WDR59: variants seen among roughly 807,000 people sequenced by gnomAD.
The protein encoded by WDR59 is GATOR2 complex protein WDR59.
WDR59 carries 100 observed loss-of-function variants against 131.2 expected under a neutral mutation model. That is an observed-to-expected ratio of 0.76 (90% CI 0.65 to 0.90). The LOEUF (loss-of-function observed/expected upper bound fraction) is 0.90. Ranked by LOEUF, WDR59 falls within the 40% of genes least tolerant of loss-of-function variation. The pLI is 0.00. For missense variants in WDR59, 1,203 were observed against 1,262.2 expected, an observed-to-expected ratio of 0.95 and a Z score of 0.71; for synonymous variants, 601 against 466.2, an observed-to-expected ratio of 1.29 and a Z score of -3.72.
chr16:74,905,363 G>A lies in WDR59; in HGVS notation c.1713-1263C>T, dbSNP rs970161607. ...GCACTCCAGCCTGGGCAACAAGAGC[G>A]AAACTCCGTCTCAAAAAATAAAAAA... On this transcript the variant is annotated intron_variant, in intron 17 of 25. Coordinates refer to ENST00000262144, the MANE Select transcript of WDR59 (RefSeq NM_030581.4). 4.9e-5 allele frequency among the ~76,000 whole-genome samples: 7 copies of A among 143,960 alleles called. No homozygotes were observed. In the East Asian group the frequency reaches 8.6e-4, roughly 18 times the overall value. 94.4% of individuals were successfully genotyped at this position (143,960 alleles called of 152,430 possible).
At chr16:74,904,337 T>C (rs1965699104) in intron 17 of WDR59, 1 of 453,380 alleles carries the variant, frequency 2.2e-6, no homozygotes, top group Non-Finnish European at 3.9e-6. Context: ...CTAGAATAAG[T>C]GAATTTGAAT....
At chr16:74,900,631 T>G (rs1352624140) in intron 18 of WDR59, among the ~76,000 whole-genome samples, 2 of 152,240 alleles carry the variant, frequency 1.3e-5, no homozygotes, top group Admixed American at 6.5e-5. Flanking sequence ...AAATGAATGT[T>G]AGCAATTTGA....
rs184252604 is a variant in WDR59, at chr16:74,912,445, T to C, written c.1225-83A>G. The C allele has an allele frequency of 1.0e-5, 14 of 1,399,184 alleles. No homozygotes were observed. The Admixed American group carries it at 2.4e-4, about 24-fold the overall frequency. The allele number at this position is 1,399,184 out of a possible 1,614,324, so 86.7% of individuals were successfully genotyped here. On this transcript the variant is annotated intron_variant, in intron 13 of 25. Transcript: ENST00000262144. ...CAAGCACATTTAACTGAACGCTCCA[T>C]GTTCCTGGTAATTGAATGAAGGGAA...
intron 6 of WDR59, among the ~76,000 whole-genome samples, chr16:74,945,402 G>A (rs957929973): frequency 6.6e-6 from 1 of 151,158 alleles, no homozygotes; most frequent in African/African-American, 2.4e-5. Context: ...GCGAGAACCT[G>A]GGAGGCAGAG....
intron 13 of WDR59, among the ~76,000 whole-genome samples, chr16:74,915,009 A>G (rs1371829757): frequency 2.6e-5 from 4 of 152,250 alleles, no homozygotes; most frequent in African/African-American, 9.6e-5. Flanking sequence ...TTTCTGAAGC[A>G]AAGACTTTCA....
At chr16:74,945,816 T>TA (rs377227369) in intron 6 of WDR59, among the ~76,000 whole-genome samples, 2 of 113,608 alleles carry the variant, frequency 1.8e-5, no homozygotes, top group African/African-American at 9.6e-5. Context: ...TTCACATAAC[T>TA]TTTTTTTTTT....
At chr16:74,893,538 G>C (rs1009968560) in intron 19 of WDR59, 141 bp downstream of exon 19, 8 of 879,682 alleles carry the variant, frequency 9.1e-6, no homozygotes, top group Non-Finnish European at 9.9e-6. Context: ...GTGGGAATTT[G>C]TCCACAGCAA....
Position 74,873,986 on chromosome 16 carries a change from G to A in WDR59, c.*223C>T, listed in dbSNP as rs1380408349. ...TAGACAACACACAAAGCGCAGCTCTGCACTTCTGTCCTTATCTTCACACAG... is the reference window on the plus strand; with the variant it reads ...TAGACAACACACAAAGCGCAGCTCTACACTTCTGTCCTTATCTTCACACAG... On this transcript the variant is annotated 3_prime_UTR_variant, in exon 26 of 26. Transcript: ENST00000262144. The A allele has an allele frequency of 4.6e-5, 26 of 560,482 alleles. No individual in the cohort carries two copies. The highest frequency in any genetic ancestry group is 8.3e-5 in the Non-Finnish European group (26 of 312,772). 34.7% of individuals were successfully genotyped at this position (560,482 alleles called of 1,614,324 possible).
intron 1 of WDR59, among the ~76,000 whole-genome samples, chr16:74,969,296 G>C (rs1052267995): frequency 6.6e-6 from 1 of 152,004 alleles, no homozygotes; most frequent in East Asian, 1.9e-4. Context: ...CTTTTGAGAC[G>C]GAGTCTCACT....
chr16:74,943,464 T>C (rs186824547), intron 6 of WDR59, among the ~76,000 whole-genome samples: 3 of 152,228 alleles, frequency 2.0e-5, no homozygotes, highest in Admixed American at 2.0e-4. Context: ...TTTCCCTCTC[T>C]GCCAATACAG....
intron 1 of WDR59, among the ~76,000 whole-genome samples, chr16:74,983,124 C>G (rs1464818322): frequency 1.3e-5 from 2 of 152,154 alleles, no homozygotes; most frequent in Non-Finnish European, 2.9e-5. Context: ...GGGAGAATCG[C>G]CTGAGGCCAG....
At position 74,886,254 on chromosome 16, in the gene WDR59, C is replaced by T. The variant is rs752455760; in HGVS notation, c.2546+16G>A. 3.7e-6 allele frequency: 6 copies of T among 1,601,264 alleles called. No homozygotes were observed. The highest frequency in any genetic ancestry group is 4.3e-6 in the Non-Finnish European group (5 of 1,171,448). On this transcript the variant is annotated intron_variant, in intron 24 of 25. Transcript: ENST00000262144. The stretch of plus-strand genomic sequence containing the variant: ...GGAGTCCTGGCATTGCAGCTCTCAC[C>T]TGGGAGGGTGGTTACCTTTTATTTT...
chr16:74,909,756 T>C, intron 15 of WDR59, 66 bp downstream of exon 15: 3 of 1,582,794 alleles, frequency 1.9e-6, no homozygotes, highest in Non-Finnish European at 2.6e-6. Context: ...ACCCATGATT[T>C]TAGGGAGAAA....
rs563050528 is a variant in WDR59, at chr16:74,889,293, AGGGTGAAAGCGTCGT to A, written c.2195+395_2195+409del. On this transcript the variant is annotated intron_variant, in intron 21 of 25. Coordinates refer to ENST00000262144, the MANE Select transcript of WDR59 (RefSeq NM_030581.4). Reference sequence around the variant, plus strand: ...GCAATGTTTTCTCAAATTGCCTAACAGGGTGAAAGCGTCGTGGTCTTTGGCAAACATGAACACCAA... The same window carrying A: ...GCAATGTTTTCTCAAATTGCCTAACAGGTCTTTGGCAAACATGAACACCAA... Among the ~76,000 whole-genome samples, 212 of 152,356 alleles carry A rather than the reference AGGGTGAAAGCGTCGT, an allele frequency of 1.4e-3. 1 individual carries two copies. Among genetic ancestry groups the A allele is most frequent in the African/African-American group, 4.9e-3 (205 of 41,584 alleles).
chr16:74,973,777 T>G (rs1157405922), intron 1 of WDR59, among the ~76,000 whole-genome samples: 1 of 152,238 alleles, frequency 6.6e-6, no homozygotes, highest in Non-Finnish European at 1.5e-5. Context: ...GGCTCATACC[T>G]GTAATCCCAG....
chr16:74,984,614 A>G (rs1258442293), intron 1 of WDR59: 3 of 322,962 alleles, frequency 9.3e-6, no homozygotes, highest in Non-Finnish European at 1.7e-5. Flanking sequence ...TTAAGTCGCC[A>G]CACGCGGCTA....
At position 74,901,908 on chromosome 16, in the gene WDR59, C is replaced by G. The variant is rs138298388; in HGVS notation, c.1866+2039G>C. 2.3e-3 allele frequency among the ~76,000 whole-genome samples: 348 copies of G among 152,216 alleles called. 1 individual carries two copies. The highest frequency in any genetic ancestry group is 8.1e-3 in the African/African-American group (335 of 41,540). On this transcript the variant is annotated intron_variant, in intron 18 of 25. Transcript: ENST00000262144. The stretch of plus-strand genomic sequence containing the variant: ...CATAAACGGGATGGATGTGAACAAA[C>G]TTCAAGGAGAGAGAAATTTATGTCA...
chr16:74,872,739 A>C lies in WDR59; in HGVS notation c.*1470T>G. 1 of 152,038 alleles carries C rather than the reference A, an allele frequency of 6.6e-6. No homozygotes were observed. The highest frequency in any genetic ancestry group is 1.9e-4 in the East Asian group (1 of 5,140). The allele number at this position is 152,038 out of a possible 1,614,324, so 9.4% of individuals were successfully genotyped here. The stretch of plus-strand genomic sequence containing the variant: ...CAGCCCATCTGAACAGAGGCAAGGA[A>C]GACTTTGGTTTATTGACAGGGTCTC... On this transcript the variant is annotated 3_prime_UTR_variant, in exon 26 of 26. Transcript: ENST00000262144.
Position 74,891,563 on chromosome 16 carries a change from C to T in WDR59, c.2082+921G>A, listed in dbSNP as rs932727550. Reference sequence around the variant, plus strand: ...ATTTCCTGAATGCCTTCAACAGAAACAGTGACTCTTGCATTTACTTCTGCA... The same window carrying T: ...ATTTCCTGAATGCCTTCAACAGAAATAGTGACTCTTGCATTTACTTCTGCA... On this transcript the variant is annotated intron_variant, in intron 20 of 25. Coordinates refer to ENST00000262144, the MANE Select transcript of WDR59 (RefSeq NM_030581.4). Among the ~76,000 whole-genome samples the T allele has an allele frequency of 7.9e-5, 12 of 152,312 alleles. 1 individual carries two copies. Among genetic ancestry groups the T allele is most frequent in the East Asian group, 1.9e-4 (1 of 5,186 alleles).
Sources: gnomAD v4.1 joint callset for allele counts (sites outside exome capture counted in the v4.1 genomes callset) on GRCh38, gnomAD v4.1.1 for gene constraint, MANE v1.5 for transcripts, NCBI Gene and HGNC (gene_info 2026-07-23, HGNC 2026-07-21) for gene names.